Variants in DISC1 observed in about 807,000 individuals in gnomAD.
DISC1 encodes the protein disrupted in schizophrenia 1 protein.
A neutral mutation model predicts 84.5 loss-of-function variants in DISC1; 57 were observed. The observed-to-expected ratio is 0.67, with a 90% CI of 0.55 to 0.84. The LOEUF (loss-of-function observed/expected upper bound fraction) is 0.84, where lower values mean the gene tolerates loss of function less well. DISC1 is among the 40% of genes least tolerant of loss of function. DISC1 has a pLI of 0.00. For missense variants in DISC1, 1,000 were observed against 1,057.8 expected (o/e 0.95, Z 0.76); for synonymous variants, 411 against 415.2 (o/e 0.99, Z 0.12).
intron 4 of DISC1, chr1:231,750,665 A>G (rs778801694): frequency 2.3e-5 from 21 of 906,188 alleles, no homozygotes; most frequent in Non-Finnish European, 2.8e-5. Context: ...CAGGCAAGCT[A>G]AGTCAGAATG....
At chr1:231,857,413 A>C (rs1311472708) in intron 9 of DISC1, among the ~76,000 whole-genome samples, 1 of 152,238 alleles carries the variant, frequency 6.6e-6, no homozygotes, top group Non-Finnish European at 1.5e-5. Context: ...TATCTGGATA[A>C]GTGTCATTGA....
intron 9 of DISC1, 140 bp from the exon 10 acceptor site, chr1:231,958,688 T>G: frequency 1.2e-6 from 1 of 861,240 alleles, no homozygotes; most frequent in Non-Finnish European, 1.9e-6. Flanking sequence ...TCCAGTGGAT[T>G]TGAGTGTTTT....
At chr1:232,025,587 T>C (rs1669373134) in intron 11 of DISC1, among the ~76,000 whole-genome samples, 1 of 148,024 alleles carries the variant, frequency 6.8e-6, no homozygotes, top group African/African-American at 2.5e-5. Context: ...AAAGACATCA[T>C]CATCCTGCTC....
intron 9 of DISC1, among the ~76,000 whole-genome samples, chr1:231,852,359 A>G (rs774694356): frequency 2.6e-5 from 4 of 152,164 alleles, no homozygotes; most frequent in African/African-American, 4.8e-5. Context: ...CTCCAAAACT[A>G]TTCATTGGTT....
At position 232,008,912 on chromosome 1, in the gene DISC1, G is replaced by C; in HGVS notation, c.2170G>C (p.Asp724His). ...TGTAGAAGATGAGAGGCAGATGGAT[G>C]ACTTAGAGGGAGCTGCTCCTCCTAT... ...LSVEDERQMD[D>H]LEGAAPPIPP... is the part of the protein sequence containing the mutation. The change falls in exon 11 of 13, where the codon GAC (aspartate) becomes CAC (histidine). Residue 724 changes from aspartate to histidine, a missense_variant. This residue lies in a region of DISC1 where 397 missense variants were observed against 377.5 expected (regional missense o/e 1.05). Coordinates refer to ENST00000439617, the MANE Select transcript of DISC1 (RefSeq NM_018662.3). The C allele has an allele frequency of 6.2e-7, 1 of 1,613,780 alleles. No homozygotes were observed. Among genetic ancestry groups the C allele is most frequent in the Non-Finnish European group, 8.5e-7 (1 of 1,179,818 alleles).
At chr1:231,770,321 G>A (rs938812367) in intron 5 of DISC1, among the ~76,000 whole-genome samples, 10 of 152,150 alleles carry the variant, frequency 6.6e-5, no homozygotes, top group African/African-American at 2.2e-4. Flanking sequence ...ACTTTAGACT[G>A]CATGGCACCA....
Position 232,026,545 on chromosome 1 carries a change from T to C in DISC1, c.2418T>C (p.Asp806=). The C allele has an allele frequency of 6.3e-7, 1 of 1,597,914 alleles. No individual in the cohort carries two copies. Among genetic ancestry groups the C allele is most frequent in the Non-Finnish European group, 8.5e-7 (1 of 1,170,314 alleles). The change falls in exon 12 of 13, where the codon GAT becomes GAC. Residue 806 remains aspartate, a synonymous_variant. Coordinates refer to ENST00000439617, the MANE Select transcript of DISC1 (RefSeq NM_018662.3). ...LHTAIHSHDE[D]LIQSLRRELQ... is the part of the protein sequence containing the mutation. ...CAGCAATCCACAGTCATGATGAAGA[T>C]CTCATTCATATCCTTTTCATCTTGC...
At chr1:231,792,136 C>G (rs2078397144) in intron 6 of DISC1, among the ~76,000 whole-genome samples, 1 of 152,020 alleles carries the variant, frequency 6.6e-6, no homozygotes. Flanking sequence ...GTAGCCTGAG[C>G]AAAACGTAAT....
At position 231,750,042 on chromosome 1, in the gene DISC1, G is replaced by C; in HGVS notation, c.1234G>C (p.Val412Leu). 1 of 1,614,200 alleles carries C rather than the reference G, an allele frequency of 6.2e-7. No individual in the cohort carries two copies. Among genetic ancestry groups the C allele is most frequent in the Non-Finnish European group, 8.5e-7 (1 of 1,180,020 alleles). ...TTTCCTGGGTCACCTGGCAGCACAAGTCCAGGCTGCCTTGCGCCGTGGGGC... is the reference window on the plus strand; with the variant it reads ...TTTCCTGGGTCACCTGGCAGCACAACTCCAGGCTGCCTTGCGCCGTGGGGC... ...SSFLGHLAAQVQAALRRGATQ... is the reference protein window; with the variant it reads ...SSFLGHLAAQLQAALRRGATQ... The change falls in exon 4 of 13, where the codon GTC becomes CTC. Residue 412 changes from valine to leucine, a missense_variant. Val to Leu is a conservative substitution (Grantham distance 32). Around this residue, in one of 3 missense-constraint regions of DISC1, gnomAD observed 311 missense variants for 400.1 expected, o/e 0.78. Coordinates refer to ENST00000439617, the MANE Select transcript of DISC1 (RefSeq NM_018662.3).
rs16855152 is a variant in DISC1 at position 231,827,840 on chromosome 1, T to C, written c.1981+9323T>C. 5.7e-3 allele frequency among the ~76,000 whole-genome samples: 868 copies of C among 152,314 alleles called. 11 individuals carry two copies. The highest frequency in any genetic ancestry group is 0.019 in the African/African-American group (782 of 41,564). ...ACAACCCTGAGTGAATGCACTGCAA[T>C]TTAATATTTATGGCCGGTACAGAAA... On this transcript the variant is annotated intron_variant, in intron 9 of 12. Coordinates refer to ENST00000439617, the MANE Select transcript of DISC1 (RefSeq NM_018662.3).
At chr1:231,851,015 C>T (rs1248658856) in intron 9 of DISC1, among the ~76,000 whole-genome samples, 1 of 152,210 alleles carries the variant, frequency 6.6e-6, no homozygotes. Context: ...GGCAGCAGTG[C>T]TTCCCAGGAT....
chr1:231,670,324 C>T (rs954267602), intron 1 of DISC1, among the ~76,000 whole-genome samples: 3 of 152,062 alleles, frequency 2.0e-5, no homozygotes, highest in Admixed American at 2.0e-4. Context: ...ACAAGTTTAC[C>T]TACATGCCCC....
intron 9 of DISC1, among the ~76,000 whole-genome samples, chr1:231,911,550 G>T (rs1404706163): frequency 6.6e-6 from 1 of 152,210 alleles, no homozygotes; most frequent in Non-Finnish European, 1.5e-5. Flanking sequence ...TCCACTGTTA[G>T]TCTGAGAGGC....
chr1:231,838,491 C>G lies in DISC1; in HGVS notation c.1981+19974C>G, dbSNP rs16841600. Among the ~76,000 whole-genome samples the G allele has an allele frequency of 7.1e-3, 1,080 of 152,304 alleles. 10 individuals are homozygous for G. Among genetic ancestry groups the G allele is most frequent in the African/African-American group, 0.025 (1,033 of 41,568 alleles). ...ACACATAAGCGGAGAAAAAAACCCCCTCCATGCTTATGTAAATAGGAAGGA... is the reference window on the plus strand; with the variant it reads ...ACACATAAGCGGAGAAAAAAACCCCGTCCATGCTTATGTAAATAGGAAGGA... On this transcript the variant is annotated intron_variant, in intron 9 of 12. Coordinates refer to ENST00000439617, the MANE Select transcript of DISC1 (RefSeq NM_018662.3).
At chr1:232,033,535 G>A (rs2103065039) in intron 12 of DISC1, among the ~76,000 whole-genome samples, 1 of 152,294 alleles carries the variant, frequency 6.6e-6, no homozygotes, top group African/African-American at 2.4e-5. Context: ...CAGCACAGCT[G>A]GACATAACTA....
At chr1:231,732,758 G>A (rs1295873462) in intron 3 of DISC1, among the ~76,000 whole-genome samples, 1 of 152,200 alleles carries the variant, frequency 6.6e-6, no homozygotes, top group African/African-American at 2.4e-5. Context: ...GTAGAAAGTT[G>A]GATAGTTTGC....
chr1:231,939,456 A>C (rs1352411487), intron 9 of DISC1, among the ~76,000 whole-genome samples: 2 of 152,204 alleles, frequency 1.3e-5, no homozygotes, highest in East Asian at 3.9e-4. Context: ...TGGCCGTATC[A>C]TTCTCCTTTG....
intron 11 of DISC1, among the ~76,000 whole-genome samples, chr1:232,013,515 C>CAA (rs35910349): frequency 0.38 from 58,405 of 151,890 alleles, 11,650 homozygotes; most frequent in African/African-American, 0.47. Flanking sequence ...AACAAGTTAA[C>CAA]GAGAAAAACA....
chr1:231,656,631 T>A (rs1049203389), intron 1 of DISC1, among the ~76,000 whole-genome samples: 1 of 152,200 alleles, frequency 6.6e-6, no homozygotes, highest in South Asian at 2.1e-4. Flanking sequence ...TTTCTTCAAC[T>A]TTTATTTTAA....
Sources: gnomAD v4.1 joint callset for allele counts (sites outside exome capture counted in the v4.1 genomes callset) on GRCh38, gnomAD v4.1.1 for gene constraint, gnomAD v4.1.1 regional missense constraint, MANE v1.5 for transcripts, NCBI Gene and HGNC (gene_info 2026-07-23, HGNC 2026-07-21) for gene names.